PRR16: variants seen among roughly 807,000 people sequenced by gnomAD.
PRR16 encodes proline rich 16.
Under a neutral mutation model 18.2 loss-of-function variants are expected in PRR16, and 6 were observed. The ratio of observed to expected loss-of-function variants is 0.33; its 90% confidence interval spans 0.18 to 0.65. The LOEUF (loss-of-function observed/expected upper bound fraction) is 0.65. Among genes scored for constraint, PRR16 ranks in the 30% least tolerant of loss-of-function variants. PRR16 has a pLI of 0.74. For missense variants in PRR16, 412 were observed against 376.6 expected (o/e 1.09, Z -0.78); for synonymous variants, 151 against 147.8 (o/e 1.02, Z -0.16).
intron 1 of PRR16, among the ~76,000 whole-genome samples, chr5:120,573,472 G>C (rs953205646): frequency 6.6e-6 from 1 of 152,060 alleles, no homozygotes; most frequent in South Asian, 2.1e-4. Context: ...TGTTTCTGAA[G>C]GCATTTTGCA....
intron 1 of PRR16, among the ~76,000 whole-genome samples, chr5:120,516,699 G>A (rs934201983): frequency 1.3e-5 from 2 of 152,112 alleles, no homozygotes; most frequent in East Asian, 3.9e-4. Flanking sequence ...ACGGGAATCA[G>A]CAGAATACAC....
At chr5:120,692,498 G>A in the PRR16 span, among the ~76,000 whole-genome samples, 2 of 152,156 alleles carry the variant, frequency 1.3e-5, no homozygotes, top group African/African-American at 4.8e-5. Context: ...ATGCACCAAA[G>A]ATTGGTGCTT....
intron 1 of PRR16, among the ~76,000 whole-genome samples, chr5:120,515,540 C>T (rs146572323): frequency 3.9e-4 from 59 of 152,234 alleles, no homozygotes; most frequent in African/African-American, 1.4e-3. Context: ...CTGAGCATGG[C>T]ACCTTTCCTT....
At chr5:120,674,993 A>G (rs372454860) in intron 1 of PRR16, among the ~76,000 whole-genome samples, 18 of 152,196 alleles carry the variant, frequency 1.2e-4, no homozygotes, top group South Asian at 1.0e-3. Context: ...AAGCATCTCT[A>G]AATAGATTAA....
chr5:120,785,948 A>T, the PRR16 span, among the ~76,000 whole-genome samples: 1 of 150,274 alleles, frequency 6.7e-6, no homozygotes. Flanking sequence ...TTATTCTTCC[A>T]TGGCAATATA....
the PRR16 span, among the ~76,000 whole-genome samples, chr5:120,772,191 C>T: frequency 6.6e-6 from 1 of 152,094 alleles, no homozygotes; most frequent in Non-Finnish European, 1.5e-5. Flanking sequence ...AAACTCAAAA[C>T]ATGCAGTATT....
chr5:120,675,060 C>T (rs1416134641), intron 1 of PRR16, among the ~76,000 whole-genome samples: 1 of 152,082 alleles, frequency 6.6e-6, no homozygotes, highest in Non-Finnish European at 1.5e-5. Flanking sequence ...TCATCTTTAA[C>T]ATTGATCAAT....
At chr5:120,510,941 T>A (rs1750806619) in intron 1 of PRR16, among the ~76,000 whole-genome samples, 2 of 152,150 alleles carry the variant, frequency 1.3e-5, no homozygotes, top group South Asian at 4.1e-4. Context: ...TAATATGATG[T>A]GGATGAGAGT....
intron 1 of PRR16, among the ~76,000 whole-genome samples, chr5:120,623,663 A>G (rs968914214): frequency 6.6e-6 from 1 of 152,130 alleles, no homozygotes; most frequent in Non-Finnish European, 1.5e-5. Flanking sequence ...TTACCATGTC[A>G]TAGACCTCAA....
chr5:120,756,546 G>T, the PRR16 span, among the ~76,000 whole-genome samples: 21 of 151,324 alleles, frequency 1.4e-4, no homozygotes, highest in Middle Eastern at 6.8e-3. Context: ...CTGATAATTA[G>T]TAATGTGGAG....
chr5:120,746,869 C>T, the PRR16 span, among the ~76,000 whole-genome samples: 3 of 152,244 alleles, frequency 2.0e-5, no homozygotes, highest in Admixed American at 1.3e-4. Flanking sequence ...ATGTTCTCTT[C>T]ATCGGGAGTC....
At chr5:120,777,712 C>T in the PRR16 span, among the ~76,000 whole-genome samples, 29 of 152,098 alleles carry the variant, frequency 1.9e-4, no homozygotes, top group East Asian at 5.0e-3. Context: ...TTATACATAC[C>T]ACAGTGTCTT....
At chr5:120,479,603 A>C (rs1464094978) in intron 1 of PRR16, among the ~76,000 whole-genome samples, 1 of 152,160 alleles carries the variant, frequency 6.6e-6, no homozygotes, top group Admixed American at 6.5e-5. Flanking sequence ...CCTGGAATTA[A>C]AAAATGAGTC....
intron 1 of PRR16, among the ~76,000 whole-genome samples, chr5:120,646,908 T>C (rs1206216978): frequency 6.6e-6 from 1 of 151,944 alleles, no homozygotes; most frequent in Non-Finnish European, 1.5e-5. Flanking sequence ...TTATATTGTT[T>C]TGTTGGATTT....
At chr5:120,727,694 A>G in the PRR16 span, among the ~76,000 whole-genome samples, 1 of 152,158 alleles carries the variant, frequency 6.6e-6, no homozygotes, top group Admixed American at 6.6e-5. Context: ...TGTAATGTAT[A>G]CAATTAAGAC....
chr5:120,503,758 T>G (rs535524366), intron 1 of PRR16, among the ~76,000 whole-genome samples: 1 of 150,914 alleles, frequency 6.6e-6, no homozygotes, highest in African/African-American at 2.4e-5. Context: ...CATTTAGCAT[T>G]AGGTATATCT....
At chr5:120,533,090 CAGAT>C (rs1347369757) in intron 1 of PRR16, among the ~76,000 whole-genome samples, 1 of 152,200 alleles carries the variant, frequency 6.6e-6, no homozygotes, top group Non-Finnish European at 1.5e-5. Context: ...CTCTAGGTGT[CAGAT>C]AGAAGATAAT....
chr5:120,590,826 T>A (rs1216811764), intron 1 of PRR16, among the ~76,000 whole-genome samples: 1 of 152,172 alleles, frequency 6.6e-6, no homozygotes, highest in Non-Finnish European at 1.5e-5. Context: ...GCTGTTATTA[T>A]AAATATGAAT....
At chr5:120,625,586 C>T (rs1203005499) in intron 1 of PRR16, among the ~76,000 whole-genome samples, 4 of 152,100 alleles carry the variant, frequency 2.6e-5, no homozygotes, top group East Asian at 1.9e-4. Flanking sequence ...TATCCTCTTG[C>T]CTTGGCCTCC....
Sources: gnomAD v4.1 joint callset for allele counts (sites outside exome capture counted in the v4.1 genomes callset) on GRCh38, gnomAD v4.1.1 for gene constraint, MANE v1.5 for transcripts, NCBI Gene and HGNC (gene_info 2026-07-23, HGNC 2026-07-21) for gene names.